The following DNAH5 variants were observed in gnomAD, a reference collection of about 807,000 sequenced individuals.
The protein encoded by DNAH5 is dynein axonemal heavy chain 5.
DNAH5 carries 372 observed loss-of-function variants against 518.2 expected under a neutral mutation model. The ratio of observed to expected loss-of-function variants is 0.72; its 90% confidence interval spans 0.66 to 0.78. The LOEUF (loss-of-function observed/expected upper bound fraction) is 0.78. Among genes scored for constraint, DNAH5 ranks in the 30% least tolerant of loss-of-function variants. The pLI is 0.00. For missense variants in DNAH5, 5,523 were observed against 5,687.0 expected, an observed-to-expected ratio of 0.97 and a Z score of 0.93; for synonymous variants, 2,039 against 2,025.9, an observed-to-expected ratio of 1.01 and a Z score of -0.17.
Position 13,792,198 on chromosome 5 carries a change from G to A in DNAH5, c.8244C>T (p.His2748=). The A allele has an allele frequency of 6.2e-7, 1 of 1,613,942 alleles. No individual in the cohort carries two copies. Among genetic ancestry groups the A allele is most frequent in the Non-Finnish European group, 8.5e-7 (1 of 1,179,898 alleles). The change falls in exon 50 of 79, where the codon CAC becomes CAT. Residue 2748 remains histidine (H), a synonymous_variant. Coordinates refer to ENST00000265104, the MANE Select transcript of DNAH5 (RefSeq NM_001369.3). ...DKIFGVIGVG[H]YCTQRGFSEE... is the part of the protein sequence containing the mutation. ...CTGAGAAACCCCTCTGAGTACAGTAGTGGCCTACCCCAATCACACCTGAAA... is the reference window on the plus strand; with the variant it reads ...CTGAGAAACCCCTCTGAGTACAGTAATGGCCTACCCCAATCACACCTGAAA...
At chr5:13,699,545 C>T (rs557800488) in intron 78 of DNAH5, among the ~76,000 whole-genome samples, 6 of 152,274 alleles carry the variant, frequency 3.9e-5, no homozygotes, top group Middle Eastern at 6.8e-3. Context: ...GAAGCCCTGT[C>T]TCTAGTAAAA....
In DNAH5 at chr5:13,814,930, CTATTA is replaced by C. The variant is rs372483368; in HGVS notation, c.6989-89_6989-85del. Reference sequence around the variant, plus strand: ...CATAAGTTTAAAATAGCTTGAAGAACTATTATATTAGATGTAATTTTCATTAATTT... The same window carrying C: ...CATAAGTTTAAAATAGCTTGAAGAACTATTAGATGTAATTTTCATTAATTT... On this transcript the variant is annotated intron_variant, in intron 42 of 78. Transcript: ENST00000265104. 64 of 1,245,962 alleles carry C rather than the reference CTATTA, an allele frequency of 5.1e-5. 1 individual carries two copies. The African/African-American group carries it at 7.4e-4, about 14-fold the overall frequency. The allele number at this position is 1,245,962 out of a possible 1,614,324, so 77.2% of individuals were successfully genotyped here.
chr5:13,767,607 T>C (rs1330292465), intron 58 of DNAH5, among the ~76,000 whole-genome samples: 1 of 152,188 alleles, frequency 6.6e-6, no homozygotes, highest in Non-Finnish European at 1.5e-5. Flanking sequence ...TAAAGTTATA[T>C]AAAATGTAAG....
intron 1 of DNAH5, among the ~76,000 whole-genome samples, chr5:13,969,156 T>C (rs1781718351): frequency 6.6e-6 from 1 of 152,216 alleles, no homozygotes; most frequent in Non-Finnish European, 1.5e-5. Flanking sequence ...GTGGTATCAG[T>C]TGTAACATCT....
intron 8 of DNAH5, 40 bp downstream of exon 8, chr5:13,917,103 G>A (rs770843450): frequency 2.1e-6 from 3 of 1,460,192 alleles, no homozygotes; most frequent in South Asian, 2.3e-5. Flanking sequence ...GTGCAAAAAG[G>A]GTTATCTATA....
At position 13,890,964 on chromosome 5, in the gene DNAH5, G is replaced by T; in HGVS notation, c.2577+12C>A. 6 of 1,613,792 alleles carry T rather than the reference G, an allele frequency of 3.7e-6. No homozygotes were observed. The highest frequency in any genetic ancestry group is 5.1e-6 in the Non-Finnish European group (6 of 1,179,898). On this transcript the variant is annotated intron_variant, in intron 17 of 78. Transcript: ENST00000265104. ...AAAAACCTTAAACAAAAAAAATCAAGGTTTTAATGACCTTTGTCATTTGGA... is the reference window on the plus strand; with the variant it reads ...AAAAACCTTAAACAAAAAAAATCAATGTTTTAATGACCTTTGTCATTTGGA...
Position 13,944,412 on chromosome 5 carries a change from G to T in DNAH5, c.27C>A (p.Leu9=). ...AAACTCGAGTGACGCTATGCTTCCAGAGCTGTCTCCTCCCAATCCTAAACA... is the reference window on the plus strand; with the variant it reads ...AAACTCGAGTGACGCTATGCTTCCATAGCTGTCTCCTCCCAATCCTAAACA... MFRIGRRQ[L]WKHSVTRVLT... is the part of the protein sequence containing the mutation. The change falls in exon 1 of 79, where the codon CTC becomes CTA. Residue 9 remains leucine (L), a synonymous_variant. Coordinates refer to ENST00000265104, the MANE Select transcript of DNAH5 (RefSeq NM_001369.3). The T allele has an allele frequency of 6.2e-7, 1 of 1,613,652 alleles. No individual in the cohort carries two copies. The highest frequency in any genetic ancestry group is 8.5e-7 in the Non-Finnish European group (1 of 1,179,946).
chr5:13,934,070 A>C (rs1300542856), intron 1 of DNAH5, among the ~76,000 whole-genome samples: 1 of 152,162 alleles, frequency 6.6e-6, no homozygotes, highest in African/African-American at 2.4e-5. Flanking sequence ...TCACCAAAAA[A>C]AAAATCTGAG....
rs111254086 is a variant in DNAH5, at chr5:13,903,178, G to A, written c.1645-1040C>T. On this transcript the variant is annotated intron_variant, in intron 12 of 78. Coordinates refer to ENST00000265104, the MANE Select transcript of DNAH5 (RefSeq NM_001369.3). ...AGATTTTTAAAAATAAAATTTAGAC[G>A]TATAAAGGGGAACATAATTACAATT... 1.1e-3 allele frequency among the ~76,000 whole-genome samples: 169 copies of A among 152,066 alleles called. 1 individual carries two copies. Among genetic ancestry groups the A allele is most frequent in the African/African-American group, 3.6e-3 (150 of 41,548 alleles).
At chr5:13,825,081 C>T (rs1398658358) in intron 38 of DNAH5, among the ~76,000 whole-genome samples, 2 of 152,158 alleles carry the variant, frequency 1.3e-5, no homozygotes, top group Non-Finnish European at 2.9e-5. Flanking sequence ...ATGGCTTACA[C>T]CCATAATCCC....
At chr5:13,836,549 AGCTGATTGCT>A (rs1279735590) in intron 35 of DNAH5, among the ~76,000 whole-genome samples, 3 of 152,228 alleles carry the variant, frequency 2.0e-5, no homozygotes, top group Non-Finnish European at 4.4e-5. Context: ...GCTCCCATGC[AGCTGATTGCT>A]CAAGAAAGAC....
In DNAH5 at chr5:13,840,905, C is replaced by T. The variant is rs1422034201; in HGVS notation, c.5709+1G>A. On this transcript the variant is annotated splice_donor_variant, in intron 34 of 78. Coordinates refer to ENST00000265104, the MANE Select transcript of DNAH5 (RefSeq NM_001369.3). LOFTEE classifies it high-confidence loss of function. ...TGCCACAGCATTTATAAAGAATTTA[C>T]CAGGTCATCAAAGATATCCCTTTGG... 2 of 1,612,960 alleles carry T rather than the reference C, an allele frequency of 1.2e-6. No homozygotes were observed. Among genetic ancestry groups the T allele is most frequent in the Admixed American group, 3.3e-5 (2 of 60,018 alleles).
At chr5:13,993,370 T>A (rs1783697818) in intron 1 of DNAH5, among the ~76,000 whole-genome samples, 1 of 152,172 alleles carries the variant, frequency 6.6e-6, no homozygotes, top group African/African-American at 2.4e-5. Context: ...TGGGAGGGAT[T>A]CTCATTTTTA....
At chr5:13,871,414 T>C (rs1020909883) in intron 23 of DNAH5, 150 bp downstream of exon 23, 1 of 697,408 alleles carries the variant, frequency 1.4e-6, no homozygotes, top group African/African-American at 1.8e-5. Flanking sequence ...CAGAAGAAAA[T>C]TTTTTAAAAA....
intron 1 of DNAH5, among the ~76,000 whole-genome samples, chr5:14,003,580 T>A (rs1454881360): frequency 6.6e-6 from 1 of 152,150 alleles, no homozygotes; most frequent in Non-Finnish European, 1.5e-5. Flanking sequence ...CACAAAAACA[T>A]CCCATCCCAC....
chr5:13,829,734 T>C (rs1763387303), intron 37 of DNAH5, 30 bp from the exon 38 acceptor site: 2 of 1,592,158 alleles, frequency 1.3e-6, no homozygotes, highest in South Asian at 1.1e-5. Context: ...CAAGGATGAA[T>C]GATGCAATCA....
chr5:13,713,316 G>A (rs1214226780), intron 75 of DNAH5, among the ~76,000 whole-genome samples: 4 of 133,466 alleles, frequency 3.0e-5, no homozygotes, highest in Admixed American at 7.7e-5. Context: ...TATATATACC[G>A]ACATATATAT....
intron 70 of DNAH5, among the ~76,000 whole-genome samples, chr5:13,726,343 GTAGAC>G (rs1208355206): frequency 2.6e-5 from 4 of 152,332 alleles, no homozygotes; most frequent in Admixed American, 2.0e-4. Context: ...TGTGTGCAGA[GTAGAC>G]TAGAGTATAC....
At chr5:13,916,917 A>G (rs1005707660) in intron 8 of DNAH5, among the ~76,000 whole-genome samples, 1 of 152,222 alleles carries the variant, frequency 6.6e-6, no homozygotes, top group Non-Finnish European at 1.5e-5. Flanking sequence ...CATCTCATAT[A>G]CATCTTCAAT....
Sources: gnomAD v4.1 joint callset for allele counts (sites outside exome capture counted in the v4.1 genomes callset) on GRCh38, gnomAD v4.1.1 for gene constraint, MANE v1.5 for transcripts, NCBI Gene and HGNC (gene_info 2026-07-23, HGNC 2026-07-21) for gene names.